Variants in CDC73 observed in about 807,000 individuals in gnomAD.
CDC73 encodes the protein cell division cycle 73.
CDC73 carries 21 observed loss-of-function variants against 83.7 expected under a neutral mutation model. The observed-to-expected ratio is 0.25, with a 90% CI of 0.18 to 0.36. The LOEUF (loss-of-function observed/expected upper bound fraction) is 0.36, where lower values mean the gene tolerates loss of function less well. Among genes scored for constraint, CDC73 ranks in the 10% least tolerant of loss-of-function variants. The pLI, the probability that CDC73 is intolerant of heterozygous loss-of-function variation, is 1.00. For missense variants in CDC73, 342 were observed against 653.3 expected, an observed-to-expected ratio of 0.52 and a Z score of 5.19; for synonymous variants, 224 against 212.9, an observed-to-expected ratio of 1.05 and a Z score of -0.45.
chr1:193,192,737 G>A (rs985216905), intron 10 of CDC73, among the ~76,000 whole-genome samples: 19 of 152,182 alleles, frequency 1.2e-4, no homozygotes, highest in African/African-American at 4.3e-4. Context: ...TGGCAGCCAC[G>A]TGCCAACTAA....
intron 8 of CDC73, among the ~76,000 whole-genome samples, chr1:193,149,302 G>A (rs756868882): frequency 6.6e-6 from 1 of 151,844 alleles, no homozygotes; most frequent in South Asian, 2.1e-4. Context: ...TTCCACCTCA[G>A]ATCCTCAGGG....
chr1:193,178,789 A>G (rs1305113023), intron 10 of CDC73, among the ~76,000 whole-genome samples: 3 of 152,202 alleles, frequency 2.0e-5, no homozygotes, highest in African/African-American at 7.2e-5. Flanking sequence ...GGAGATAAGC[A>G]CTTAAACAGT....
intron 6 of CDC73, among the ~76,000 whole-genome samples, chr1:193,141,559 A>G (rs563019600): frequency 6.6e-6 from 1 of 152,332 alleles, no homozygotes; most frequent in African/African-American, 2.4e-5. Flanking sequence ...AAAAGCACCT[A>G]TATTAATGAG....
intron 10 of CDC73, among the ~76,000 whole-genome samples, chr1:193,175,750 A>G (rs967703398): frequency 1.3e-5 from 2 of 152,214 alleles, no homozygotes; most frequent in African/African-American, 2.4e-5. Context: ...GCCATTTTAT[A>G]AAAGGGACTT....
At chr1:193,210,203 T>C (rs1677253526) in intron 11 of CDC73, among the ~76,000 whole-genome samples, 1 of 152,238 alleles carries the variant, frequency 6.6e-6, no homozygotes, top group Non-Finnish European at 1.5e-5. Context: ...GGGAAGGTCA[T>C]ACTACTGAAT....
In CDC73 at chr1:193,130,167, G is replaced by T; in HGVS notation, c.238-7G>T. On this transcript the variant is annotated splice_region_variant and splice_polypyrimidine_tract_variant and intron_variant, in intron 2 of 16. Coordinates refer to ENST00000367435, the MANE Select transcript of CDC73 (RefSeq NM_024529.5). ...ATTTCATATCTCATTTAAAATTTTG[G>T]TTTTAGACTGAAAATATTCCTGTGG... is the stretch of plus-strand genomic sequence containing the variant. The T allele has an allele frequency of 6.6e-7, 1 of 1,510,862 alleles. No homozygotes were observed. 93.6% of individuals were successfully genotyped at this position (1,510,862 alleles called of 1,614,324 possible).
intron 10 of CDC73, among the ~76,000 whole-genome samples, chr1:193,182,410 T>C (rs1676732395): frequency 6.6e-6 from 1 of 152,178 alleles, no homozygotes. Flanking sequence ...AAATACAGCA[T>C]GTAAGTGTCT....
At chr1:193,234,533 T>G (rs949224114) in intron 14 of CDC73, among the ~76,000 whole-genome samples, 1 of 151,870 alleles carries the variant, frequency 6.6e-6, no homozygotes, top group Non-Finnish European at 1.5e-5. Context: ...CTCATCACTA[T>G]GCTGTAAAAT....
At chr1:193,139,084 A>AT (rs1220241148) in intron 6 of CDC73, among the ~76,000 whole-genome samples, 1 of 151,470 alleles carries the variant, frequency 6.6e-6, no homozygotes, top group Admixed American at 6.6e-5. Flanking sequence ...GAACTTTAGT[A>AT]TTTTTTTCTT....
In CDC73 at chr1:193,122,166, G is replaced by A. The variant is rs771935630; in HGVS notation, c.-35G>A. On this transcript the variant is annotated 5_prime_UTR_variant, in exon 1 of 17. Transcript: ENST00000367435. ...AGGAGGCAGGCGCGGCGGCAGCGGC[G>A]GCGCCCCGAGCCGGCGGAGGCGAGG... 1 of 1,605,416 alleles carries A rather than the reference G, an allele frequency of 6.2e-7. No individual in the cohort carries two copies. Among genetic ancestry groups the A allele is most frequent in the Non-Finnish European group, 8.5e-7 (1 of 1,173,034 alleles).
chr1:193,180,735 G>A, intron 10 of CDC73: 2 of 1,614,050 alleles, frequency 1.2e-6, no homozygotes, highest in South Asian at 2.2e-5. Flanking sequence ...CAGTGAAATA[G>A]TTATGTCTGG....
intron 10 of CDC73, among the ~76,000 whole-genome samples, chr1:193,178,676 T>G (rs1342442895): frequency 1.3e-5 from 2 of 152,202 alleles, no homozygotes; most frequent in East Asian, 3.9e-4. Flanking sequence ...TAGAATAAAT[T>G]AAGTGAAAGA....
At chr1:193,180,429 G>C in intron 10 of CDC73, 1 of 1,614,048 alleles carries the variant, frequency 6.2e-7, no homozygotes, top group Non-Finnish European at 8.5e-7. Flanking sequence ...AGGTAATTAG[G>C]TGGCTGTATT....
chr1:193,122,650 C>T (rs1484591940), intron 1 of CDC73: 3 of 322,810 alleles, frequency 9.3e-6, no homozygotes, highest in Admixed American at 4.4e-5. Context: ...CAAGGGATAC[C>T]TGAACATAGG....
chr1:193,128,600 T>C (rs918461108), intron 2 of CDC73, among the ~76,000 whole-genome samples: 5 of 152,200 alleles, frequency 3.3e-5, no homozygotes, highest in African/African-American at 9.7e-5. Context: ...CCACCATGCC[T>C]GGCCTAGGCT....
intron 10 of CDC73, chr1:193,181,184 C>G: frequency 6.2e-7 from 1 of 1,613,768 alleles, no homozygotes; most frequent in African/African-American, 1.3e-5. Context: ...TGTCCAGTAC[C>G]TTTTTCATTG....
intron 7 of CDC73, among the ~76,000 whole-genome samples, chr1:193,143,450 T>A (rs187981489): frequency 2.0e-5 from 3 of 152,144 alleles, no homozygotes; most frequent in Non-Finnish European, 4.4e-5. Flanking sequence ...CAAACATTAC[T>A]TTTTCAAGTA....
At chr1:193,232,843 C>T (rs992874629) in intron 13 of CDC73, 150 bp from the exon 14 acceptor site, 6 of 603,202 alleles carry the variant, frequency 9.9e-6, no homozygotes, top group African/African-American at 1.9e-5. Context: ...GTGGAGGTTG[C>T]AGTGAGCCAA....
intron 13 of CDC73, among the ~76,000 whole-genome samples, chr1:193,216,898 A>C (rs557713039): frequency 1.3e-5 from 2 of 152,276 alleles, no homozygotes; most frequent in Admixed American, 1.3e-4. Flanking sequence ...AAATCCCTTC[A>C]TGTTAACCCT....
Sources: allele counts gnomAD v4.1 joint callset (sites outside exome capture counted in the v4.1 genomes callset), GRCh38; gene constraint gnomAD v4.1.1; transcripts MANE v1.5; gene names NCBI Gene and HGNC (gene_info 2026-07-23, HGNC 2026-07-21).